Variants in SLC10A2 observed in about 807,000 individuals in gnomAD.
SLC10A2 encodes solute carrier family 10 member 2.
Under a neutral mutation model 27.1 loss-of-function variants are expected in SLC10A2, and 34 were observed. The observed-to-expected ratio is 1.26, with a 90% CI of 0.96 to 1.67. SLC10A2 has a LOEUF of 1.67. SLC10A2 is among the 40% of genes most tolerant of loss of function. SLC10A2 has a pLI of 0.00. For missense variants in SLC10A2, 530 were observed against 444.4 expected, an observed-to-expected ratio of 1.19 and a Z score of -1.73; for synonymous variants, 205 against 174.0, an observed-to-expected ratio of 1.18 and a Z score of -1.40.
At chr13:103,065,730 G>A (rs1423253899) in intron 1 of SLC10A2, 143 bp downstream of exon 1, 12 of 900,554 alleles carry the variant, frequency 1.3e-5, no homozygotes, top group South Asian at 1.4e-5. Flanking sequence ...TAGAAGGCAC[G>A]GGAATGCATT....
At chr13:103,062,825 C>T (rs1876164207) in intron 1 of SLC10A2, among the ~76,000 whole-genome samples, 1 of 152,220 alleles carries the variant, frequency 6.6e-6, no homozygotes, top group Non-Finnish European at 1.5e-5. Flanking sequence ...CTGGGGGCAA[C>T]TGGGAGAAGG....
chr13:103,049,326 G>A lies in SLC10A2; in HGVS notation c.882C>T (p.Ser294=). 1.2e-6 allele frequency: 2 copies of A among 1,613,952 alleles called. No individual in the cohort carries two copies. Among genetic ancestry groups the A allele is most frequent in the Non-Finnish European group, 1.7e-6 (2 of 1,179,862 alleles). ...TTGCGGCAAAGGCGAGCTGGAAAAT[G>A]CTGTAGATGAGCGGGAAGGTGAATA... ...NVVFTFPLIY[S]IFQLAFAAIF... The change falls in exon 5 of 6, where the codon AGC becomes AGT. Residue 294 remains serine (S), a synonymous_variant. Coordinates refer to ENST00000245312, the MANE Select transcript of SLC10A2 (RefSeq NM_000452.3).
chr13:103,060,381 ATTTTTTTTTT>A (rs33930404), intron 1 of SLC10A2, among the ~76,000 whole-genome samples: 2 of 131,552 alleles, frequency 1.5e-5, no homozygotes, highest in African/African-American at 5.9e-5. Flanking sequence ...TGCTACTACC[ATTTTTTTTTT>A]TTTTTTTTTT....
intron 5 of SLC10A2, 108 bp downstream of exon 5, chr13:103,049,181 A>G: frequency 8.4e-7 from 1 of 1,195,410 alleles, no homozygotes; most frequent in Non-Finnish European, 1.2e-6. Flanking sequence ...CCTCTCATAT[A>G]TTTGTACAAT....
At chr13:103,048,116 G>A (rs1875663664) in intron 5 of SLC10A2, among the ~76,000 whole-genome samples, 1 of 152,112 alleles carries the variant, frequency 6.6e-6, no homozygotes, top group South Asian at 2.1e-4. Context: ...AAGCAGAAAA[G>A]TAAAGCAAAA....
intron 1 of SLC10A2, among the ~76,000 whole-genome samples, chr13:103,064,482 T>G (rs9557998): frequency 0.31 from 47,221 of 151,816 alleles, 8,502 homozygotes; most frequent in South Asian, 0.49. Context: ...TATGTGGTAT[T>G]ACATTGAGGT....
intron 2 of SLC10A2, among the ~76,000 whole-genome samples, chr13:103,057,225 G>T (rs1245905873): frequency 6.6e-6 from 1 of 152,104 alleles, no homozygotes; most frequent in East Asian, 1.9e-4. Context: ...TTACTATTTT[G>T]CCCACATCTT....
In SLC10A2 at chr13:103,051,266, G is replaced by A. The variant is rs1054582484; in HGVS notation, c.752C>T (p.Pro251Leu). The A allele has an allele frequency of 5.6e-6, 9 of 1,613,744 alleles. No individual in the cohort carries two copies. The Middle Eastern group carries it at 4.9e-4, about 88-fold the overall frequency. The change falls in exon 4 of 6, where the codon CCC (proline) becomes CTC (leucine). Residue 251 changes from proline (P) to leucine (L), a missense_variant. Physicochemically the swap from Pro to Leu is moderately conservative, Grantham distance 98. Transcript: ENST00000245312. ...TTACTAAATGCCATACCTGTACCAG[G>A]GTAGACCAGCAATTCTAGCCAGAAG... ...GFLLARIAGL[P>L]WYRCRTVAFE...
chr13:103,063,251 G>A (rs888300136), intron 1 of SLC10A2, among the ~76,000 whole-genome samples: 44 of 152,024 alleles, frequency 2.9e-4, no homozygotes, highest in Admixed American at 1.0e-3. Context: ...TGCAAAATGC[G>A]GTGGCTTTCC....
In SLC10A2 at chr13:103,058,270, T is replaced by A; in HGVS notation, c.490A>T (p.Asn164Tyr). ...TTACAGATGGATGACTTACCTATGT[T>A]ATCATAGGGAATTACGATGCTCCCA... ...DSGSIVIPYD[N>Y]IGTSLVSLVV... Residue 164 changes from asparagine to tyrosine, a missense_variant, in exon 2 of 6, where the codon AAC becomes TAC. Asn to Tyr is a moderately radical substitution (Grantham distance 143). Transcript: ENST00000245312. The A allele has an allele frequency of 6.4e-7, 1 of 1,565,306 alleles. No homozygotes were observed. Among genetic ancestry groups the A allele is most frequent in the South Asian group, 1.1e-5 (1 of 90,106 alleles).
intron 2 of SLC10A2, among the ~76,000 whole-genome samples, chr13:103,053,856 G>GAA (rs11408919): frequency 2.0e-5 from 3 of 150,540 alleles, no homozygotes; most frequent in South Asian, 2.1e-4. Flanking sequence ...CTAAGAGTAG[G>GAA]AAAAAAAAAG....
chr13:103,055,477 T>C lies in SLC10A2; in HGVS notation c.497-2769A>G, dbSNP rs1019183687. Among the ~76,000 whole-genome samples, 3 of 152,278 alleles carry C rather than the reference T, an allele frequency of 2.0e-5. No individual in the cohort carries two copies. In the East Asian group the frequency reaches 5.8e-4, roughly 29 times the overall value. On this transcript the variant is annotated intron_variant, in intron 2 of 5. Transcript: ENST00000245312. ...GGGCTATTCCAGCTTCCTGGTGACCTTGGGCAAATAATCACCCTGAGCCAC... is the reference window on the plus strand; with the variant it reads ...GGGCTATTCCAGCTTCCTGGTGACCCTGGGCAAATAATCACCCTGAGCCAC...
chr13:103,047,544 C>CT (rs1460429421), intron 5 of SLC10A2, among the ~76,000 whole-genome samples: 2 of 147,616 alleles, frequency 1.4e-5, no homozygotes, highest in Non-Finnish European at 3.0e-5. Flanking sequence ...CCCTCTCTCC[C>CT]TCCCCCATCC....
intron 3 of SLC10A2, 66 bp downstream of exon 3, chr13:103,052,554 G>T: frequency 8.8e-7 from 1 of 1,138,186 alleles, no homozygotes; most frequent in Non-Finnish European, 1.3e-6. Context: ...CCATTTCATG[G>T]ATGGAAAACC....
At chr13:103,054,495 G>A (rs1410021219) in intron 2 of SLC10A2, among the ~76,000 whole-genome samples, 1 of 152,166 alleles carries the variant, frequency 6.6e-6, no homozygotes, top group Non-Finnish European at 1.5e-5. Flanking sequence ...ACTTGTTTGT[G>A]ATGTGGTAGC....
In SLC10A2 at chr13:103,045,480, C is replaced by A. The variant is rs1875582287; in HGVS notation, c.*653G>T. ...ATATCCCTGCTGAGTTAAGAGCCTG[C>A]ATCCAATATGGTTATTGAATTCTAT... On this transcript the variant is annotated 3_prime_UTR_variant, in exon 6 of 6. Coordinates refer to ENST00000245312, the MANE Select transcript of SLC10A2 (RefSeq NM_000452.3). 2 of 152,478 alleles carry A rather than the reference C, an allele frequency of 1.3e-5. No individual in the cohort carries two copies. The highest frequency in any genetic ancestry group is 2.9e-5 in the Non-Finnish European group (2 of 68,272). The allele number at this position is 152,478 out of a possible 1,614,324, so 9.4% of individuals were successfully genotyped here.
intron 4 of SLC10A2, among the ~76,000 whole-genome samples, chr13:103,049,812 G>A (rs1257950097): frequency 1.3e-5 from 2 of 152,068 alleles, no homozygotes; most frequent in Non-Finnish European, 2.9e-5. Context: ...CTCAAGATAT[G>A]GTATTTGTTG....
intron 1 of SLC10A2, among the ~76,000 whole-genome samples, chr13:103,065,393 T>A (rs1876241379): frequency 6.6e-6 from 1 of 152,228 alleles, no homozygotes; most frequent in Admixed American, 6.5e-5. Flanking sequence ...AGGAAAATGT[T>A]TGCCCAAAGA....
At chr13:103,054,621 G>A (rs1189776825) in intron 2 of SLC10A2, among the ~76,000 whole-genome samples, 2 of 152,114 alleles carry the variant, frequency 1.3e-5, no homozygotes, top group Non-Finnish European at 2.9e-5. Context: ...ATCTTTTTGA[G>A]GCAGCCCAAG....
Sources: allele counts gnomAD v4.1 joint callset (sites outside exome capture counted in the v4.1 genomes callset), GRCh38; gene constraint gnomAD v4.1.1; transcripts MANE v1.5; gene names NCBI Gene and HGNC (gene_info 2026-07-23, HGNC 2026-07-21).